DENND4C: variants seen among roughly 807,000 people sequenced by gnomAD.
DENND4C encodes the protein DENN domain containing 4C, also known as DENN domain-containing protein 4C.
In DENND4C, 108 loss-of-function variants were observed where a neutral mutation model predicts 203.0. The ratio of observed to expected loss-of-function variants is 0.53; its 90% CI spans 0.46 to 0.62. The LOEUF (loss-of-function observed/expected upper bound fraction) is 0.62. DENND4C is among the 20% of genes least tolerant of loss of function. The pLI is 0.00. For missense variants in DENND4C, 2,481 were observed against 2,301.2 expected (o/e 1.08, Z -1.60); for synonymous variants, 871 against 792.4 (o/e 1.10, Z -1.67).
chr9:19,324,704 A>G (rs1156560609), intron 13 of DENND4C, among the ~76,000 whole-genome samples, 197 bp downstream of exon 13: 4 of 152,044 alleles, frequency 2.6e-5, no homozygotes, highest in Admixed American at 2.6e-4. Context: ...CATATAGCCA[A>G]TTTTTCTATT....
At chr9:19,359,768 A>G (rs1826087221) in intron 28 of DENND4C, among the ~76,000 whole-genome samples, 1 of 152,156 alleles carries the variant, frequency 6.6e-6, no homozygotes, top group African/African-American at 2.4e-5. Context: ...TTTTATTTGA[A>G]TTATAAAAAT....
chr9:19,274,127 A>C (rs1167678779), intron 1 of DENND4C, among the ~76,000 whole-genome samples: 1 of 152,068 alleles, frequency 6.6e-6, no homozygotes, highest in East Asian at 1.9e-4. Flanking sequence ...TCACAAAATA[A>C]TTATGATGAG....
chr9:19,280,776 G>A (rs1833893080), intron 2 of DENND4C, among the ~76,000 whole-genome samples: 1 of 151,676 alleles, frequency 6.6e-6, no homozygotes, highest in African/African-American at 2.4e-5. Flanking sequence ...GTCTCACTGT[G>A]GTTGCTCAGG....
chr9:19,290,381 T>C (rs1836047326), intron 4 of DENND4C, among the ~76,000 whole-genome samples: 1 of 152,250 alleles, frequency 6.6e-6, no homozygotes, highest in African/African-American at 2.4e-5. Context: ...TAAATTTTTC[T>C]GTATGTTTCT....
At chr9:19,329,868 T>C (rs547816521) in intron 16 of DENND4C, among the ~76,000 whole-genome samples, 1 of 152,388 alleles carries the variant, frequency 6.6e-6, no homozygotes, top group Non-Finnish European at 1.5e-5. Context: ...GCTTTACTAC[T>C]ATATGTGATT....
chr9:19,301,390 G>A (rs1838544765), intron 9 of DENND4C, among the ~76,000 whole-genome samples: 1 of 152,138 alleles, frequency 6.6e-6, no homozygotes, highest in Admixed American at 6.5e-5. Context: ...TGTATTTTCA[G>A]CACTTGTTAC....
intron 1 of DENND4C, among the ~76,000 whole-genome samples, chr9:19,270,541 G>T (rs1175047105): frequency 6.6e-5 from 10 of 152,150 alleles, no homozygotes; most frequent in Non-Finnish European, 1.5e-5. Context: ...TCTTTTTGAA[G>T]GGTGAATAAT....
At chr9:19,319,394 A>T (rs111752876) in intron 12 of DENND4C, among the ~76,000 whole-genome samples, 1 of 133,638 alleles carries the variant, frequency 7.5e-6, no homozygotes, top group Non-Finnish European at 1.5e-5. Context: ...ATATATATAC[A>T]TATATATATA....
chr9:19,243,779 C>G (rs937109724), intron 1 of DENND4C, among the ~76,000 whole-genome samples: 4 of 152,238 alleles, frequency 2.6e-5, no homozygotes, highest in Non-Finnish European at 5.9e-5. Flanking sequence ...TTTGGCTATT[C>G]TGAGTAGTGC....
chr9:19,254,202 A>G lies in DENND4C; in HGVS notation c.-17-21956A>G, dbSNP rs182891753. 9.6e-4 allele frequency among the ~76,000 whole-genome samples: 147 copies of G among 152,336 alleles called. 1 individual carries two copies. The highest frequency in any genetic ancestry group is 3.5e-3 in the African/African-American group (145 of 41,578). The stretch of plus-strand genomic sequence containing the variant: ...AGGTTCTTCTCAAAATTAAAAATAG[A>G]ACTACTGTACAATTCAGCAATCCCA... On this transcript the variant is annotated intron_variant, in intron 1 of 32. Coordinates refer to ENST00000434457, the MANE Select transcript of DENND4C (RefSeq NM_001330640.2).
intron 10 of DENND4C, among the ~76,000 whole-genome samples, chr9:19,310,546 G>A (rs1049658503): frequency 1.3e-5 from 2 of 151,996 alleles, no homozygotes; most frequent in African/African-American, 2.4e-5. Context: ...TTTACTGTCT[G>A]GTTCTTTCAG....
At chr9:19,336,200 C>CAT in intron 18 of DENND4C, 70 bp from the exon 19 acceptor site, 2 of 1,383,014 alleles carry the variant, frequency 1.4e-6, no homozygotes, top group Non-Finnish European at 9.9e-7. Flanking sequence ...TACACACACA[C>CAT]ATATATGTAT....
chr9:19,305,702 GA>G (rs541548793), intron 10 of DENND4C, among the ~76,000 whole-genome samples, 175 bp downstream of exon 10: 31 of 150,204 alleles, frequency 2.1e-4, no homozygotes, highest in Non-Finnish European at 3.6e-4. Flanking sequence ...TGTGATTTGG[GA>G]AAAAAAAATG....
intron 21 of DENND4C, 152 bp from the exon 22 acceptor site, chr9:19,342,481 A>T: frequency 1.5e-6 from 1 of 683,920 alleles, no homozygotes; most frequent in Non-Finnish European, 2.2e-6. Context: ...GCATAAAGTA[A>T]ACCAGACACA....
chr9:19,295,907 A>G, intron 5 of DENND4C, 101 bp from the exon 6 acceptor site: 1 of 880,388 alleles, frequency 1.1e-6, no homozygotes, highest in Admixed American at 2.3e-5. Context: ...TATCTGTATA[A>G]GTGTACTCCA....
intron 1 of DENND4C, among the ~76,000 whole-genome samples, chr9:19,268,379 C>T (rs1174754393): frequency 3.3e-5 from 5 of 152,150 alleles, no homozygotes; most frequent in Admixed American, 6.5e-5. Flanking sequence ...GGAATACAGG[C>T]GTGAGCCACC....
intron 1 of DENND4C, among the ~76,000 whole-genome samples, chr9:19,247,406 C>T (rs190082604): frequency 6.6e-6 from 1 of 152,206 alleles, no homozygotes; most frequent in East Asian, 1.9e-4. Context: ...ACTGCTTTTT[C>T]GTTTTTCAAG....
chr9:19,278,849 A>C (rs544527512), intron 2 of DENND4C, among the ~76,000 whole-genome samples: 21 of 152,224 alleles, frequency 1.4e-4, no homozygotes, highest in Admixed American at 3.9e-4. Flanking sequence ...GAATTGGATT[A>C]ATAAAGGCCC....
At chr9:19,242,050 A>G (rs910302521) in intron 1 of DENND4C, among the ~76,000 whole-genome samples, 1 of 152,144 alleles carries the variant, frequency 6.6e-6, no homozygotes. Context: ...TTTCACCTCC[A>G]TGAGATTATT....
Sources: allele counts gnomAD v4.1 joint callset (sites outside exome capture counted in the v4.1 genomes callset), GRCh38; gene constraint gnomAD v4.1.1; transcripts MANE v1.5; gene names NCBI Gene and HGNC (gene_info 2026-07-23, HGNC 2026-07-21).